The following CSNK1G2 variants were observed in gnomAD, a reference collection of about 807,000 sequenced individuals.
CSNK1G2 encodes the protein casein kinase 1 gamma 2.
Under a neutral mutation model 48.0 loss-of-function variants are expected in CSNK1G2, and 11 were observed. That is an observed-to-expected ratio of 0.23 (90% confidence interval 0.14 to 0.38). The LOEUF is 0.38. CSNK1G2 is among the 10% of genes least tolerant of loss of function. CSNK1G2 has a pLI of 1.00. For missense variants in CSNK1G2, 446 were observed against 595.5 expected (o/e 0.75, Z 2.61); for synonymous variants, 337 against 254.1 (o/e 1.33, Z -3.10).
At chr19:1,942,995 C>T (rs1459667093) in intron 1 of CSNK1G2, among the ~76,000 whole-genome samples, 3 of 152,182 alleles carry the variant, frequency 2.0e-5, no homozygotes, top group Non-Finnish European at 4.4e-5. Flanking sequence ...CAGCCCCCCA[C>T]AGTGAGCTCT....
chr19:1,974,882 G>C (rs1452505903), intron 2 of CSNK1G2: 1 of 162,322 alleles, frequency 6.2e-6, no homozygotes, highest in Admixed American at 6.5e-5. Flanking sequence ...GAGCCTCTCT[G>C]GAGCTGTTCT....
chr19:1,943,382 C>T (rs2014439179), intron 1 of CSNK1G2, among the ~76,000 whole-genome samples: 1 of 152,202 alleles, frequency 6.6e-6, no homozygotes, highest in African/African-American at 2.4e-5. Context: ...TGCAGGATGG[C>T]CCGCGATGGT....
chr19:1,946,257 T>TATTC (rs2014552052), intron 1 of CSNK1G2, among the ~76,000 whole-genome samples: 1 of 138,848 alleles, frequency 7.2e-6, no homozygotes, highest in Non-Finnish European at 1.6e-5. Context: ...GGCCCATCAC[T>TATTC]ATTTATTCGT....
chr19:1,954,099 G>A (rs1352862575), intron 1 of CSNK1G2: 1 of 477,320 alleles, frequency 2.1e-6, no homozygotes. Flanking sequence ...TCCCTGATTT[G>A]TGGGGTGTTT....
At chr19:1,960,927 C>T (rs1333492516) in intron 1 of CSNK1G2, among the ~76,000 whole-genome samples, 1 of 152,246 alleles carries the variant, frequency 6.6e-6, no homozygotes, top group African/African-American at 2.4e-5. Flanking sequence ...TTTCAGCCCC[C>T]TCTTCCTGTG....
intron 11 of CSNK1G2, 41 bp from the exon 12 acceptor site, chr19:1,980,108 C>T (rs1275155502): frequency 6.2e-7 from 1 of 1,611,394 alleles, no homozygotes; most frequent in South Asian, 1.1e-5. Flanking sequence ...TGCCCCCGCC[C>T]TGCACCCCGG....
In CSNK1G2 at chr19:1,969,928, C is replaced by G. The variant is rs368684304; in HGVS notation, c.156C>G (p.Ile52Met). The change falls in exon 2 of 12, where the codon ATC (isoleucine) becomes ATG (methionine). Residue 52 changes from isoleucine (I) to methionine (M), a missense_variant. Physicochemically the swap from Ile to Met is conservative, Grantham distance 10. This residue lies in a region of CSNK1G2 where 258 missense variants were observed against 415.9 expected (regional missense o/e 0.62). Coordinates refer to ENST00000255641, the MANE Select transcript of CSNK1G2 (RefSeq NM_001319.7). ...VGPNFRVGKK[I>M]GCGNFGELRL... The stretch of plus-strand genomic sequence containing the variant: ...CCAACTTCCGCGTCGGCAAGAAGAT[C>G]GGCTGCGGCAACTTCGGGGAGCTCC... 5.3e-6 allele frequency: 7 copies of G among 1,311,196 alleles called. No homozygotes were observed. The highest frequency in any genetic ancestry group is 6.8e-6 in the Non-Finnish European group (7 of 1,022,064). The allele number at this position is 1,311,196 out of a possible 1,614,324, so 81.2% of individuals were successfully genotyped here.
intron 1 of CSNK1G2, among the ~76,000 whole-genome samples, chr19:1,964,040 C>G (rs951285076): frequency 6.6e-6 from 1 of 152,120 alleles, no homozygotes; most frequent in Non-Finnish European, 1.5e-5. Context: ...TTGTCTCAAA[C>G]TCCTGACCTC....
intron 1 of CSNK1G2, among the ~76,000 whole-genome samples, chr19:1,944,697 T>TTG (rs1491574307): frequency 1.4e-5 from 2 of 143,946 alleles, no homozygotes; most frequent in African/African-American, 5.5e-5. Context: ...CCTGGCTGGG[T>TTG]GGGGGGGGGT....
chr19:1,969,861 T>C lies in CSNK1G2; in HGVS notation c.89T>C (p.Ile30Thr). 1 of 1,311,588 alleles carries C rather than the reference T, an allele frequency of 7.6e-7. No individual in the cohort carries two copies. The highest frequency in any genetic ancestry group is 2.8e-5 in the East Asian group (1 of 35,668). 81.2% of individuals were successfully genotyped at this position (1,311,588 alleles called of 1,614,324 possible). Residue 30 changes from isoleucine (I) to threonine (T), a missense_variant, in exon 2 of 12, where the codon ATC becomes ACC. By Grantham distance (89) the Ile-to-Thr change is moderately conservative (BLOSUM62 -1). Transcript: ENST00000255641. ...KAGGGRSSHG[I>T]RSSGTSSGVL... is the part of the protein sequence containing the mutation. ...GGCGGGGGCCGGAGCAGCCACGGCA[T>C]CCGGAGCTCGGGGACCAGCTCGGGG... is the stretch of plus-strand genomic sequence containing the variant.
intron 1 of CSNK1G2, among the ~76,000 whole-genome samples, chr19:1,947,708 C>G (rs1349515501): frequency 6.6e-6 from 1 of 152,228 alleles, no homozygotes; most frequent in East Asian, 1.9e-4. Context: ...TGCAGGTGGG[C>G]TGGGACAGGG....
intron 1 of CSNK1G2, among the ~76,000 whole-genome samples, chr19:1,946,265 CGTTT>C (rs1302269921): frequency 0.021 from 2,443 of 114,382 alleles, 68 homozygotes; most frequent in African/African-American, 0.086. Flanking sequence ...ACTATTTATT[CGTTT>C]ATTTATTTAT....
chr19:1,956,042 G>A (rs1021327542), intron 1 of CSNK1G2, among the ~76,000 whole-genome samples: 5 of 152,222 alleles, frequency 3.3e-5, no homozygotes, highest in Admixed American at 6.5e-5. Context: ...TCCCGACAGC[G>A]TTGGGTCCCT....
intron 1 of CSNK1G2, among the ~76,000 whole-genome samples, chr19:1,963,042 GCCAGGCTCAATGAGACACT>G (rs58943315): frequency 5.4e-5 from 8 of 149,394 alleles, no homozygotes; most frequent in South Asian, 2.2e-4. Flanking sequence ...CCTTCAGGAC[GCCAGGCTCAATGAGACACT>G]CCAGGCTCAA....
intron 1 of CSNK1G2, among the ~76,000 whole-genome samples, chr19:1,965,686 G>A (rs1481198263): frequency 1.3e-5 from 2 of 151,890 alleles, no homozygotes; most frequent in African/African-American, 4.8e-5. Context: ...TTTTTTCATA[G>A]GGGGTTTCAC....
intron 1 of CSNK1G2, chr19:1,953,967 C>A (rs1003754101): frequency 1.9e-6 from 1 of 521,616 alleles, no homozygotes; most frequent in Non-Finnish European, 3.9e-6. Context: ...ATGGACGGGG[C>A]CTTCTCGTGG....
chr19:1,960,018 T>C (rs1337762619), intron 1 of CSNK1G2, among the ~76,000 whole-genome samples: 1 of 152,172 alleles, frequency 6.6e-6, no homozygotes, highest in Non-Finnish European at 1.5e-5. Flanking sequence ...TCCCTGCTGT[T>C]GTAAAGGGCA....
In CSNK1G2 at chr19:1,980,606, A is replaced by T. The variant is rs893883822; in HGVS notation, c.*403A>T. ...CGCCCCCGTTAGCGTCATAAAGTCC[A>T]GCTTGTCTCCCTCGATCCAAAGGCC... On this transcript the variant is annotated 3_prime_UTR_variant, in exon 12 of 12. Transcript: ENST00000255641. 38 of 253,146 alleles carry T rather than the reference A, an allele frequency of 1.5e-4. No individual in the cohort carries two copies. Among genetic ancestry groups the T allele is most frequent in the Admixed American group, 8.5e-4 (16 of 18,926 alleles). 15.7% of individuals were successfully genotyped at this position (253,146 alleles called of 1,614,324 possible). A position where few individuals can be genotyped will look rare whatever the true frequency, so the allele number is the denominator to read the frequency against.
At chr19:1,953,080 C>CG in intron 1 of CSNK1G2, 1 of 399,522 alleles carries the variant, frequency 2.5e-6, no homozygotes, top group Non-Finnish European at 4.8e-6. Context: ...TTCATGGTTA[C>CG]GCTTCTGGAA....
Sources: allele counts gnomAD v4.1 joint callset (sites outside exome capture counted in the v4.1 genomes callset), GRCh38; gene constraint gnomAD v4.1.1; regional missense constraint gnomAD v4.1.1; transcripts MANE v1.5; gene names NCBI Gene and HGNC (gene_info 2026-07-23, HGNC 2026-07-21).